Variants in LRP1B observed in about 807,000 individuals in gnomAD.
LRP1B encodes LDL receptor related protein 1B.
Under a neutral mutation model 556.6 loss-of-function variants are expected in LRP1B, and 217 were observed. That is an observed-to-expected ratio of 0.39 (90% CI 0.35 to 0.44). The LOEUF is 0.44. LRP1B is among the 20% of genes least tolerant of loss of function. The probability of loss-of-function intolerance (pLI) is 1.00; values close to 1 mark genes in which losing one functional copy is unlikely to be tolerated. For missense variants in LRP1B, 5,053 were observed against 5,620.8 expected, an observed-to-expected ratio of 0.90 and a Z score of 3.23; for synonymous variants, 2,047 against 1,865.8, an observed-to-expected ratio of 1.10 and a Z score of -2.50.
chr2:140,777,623 G>A (rs970195085), intron 32 of LRP1B, among the ~76,000 whole-genome samples: 4 of 152,080 alleles, frequency 2.6e-5, no homozygotes, highest in African/African-American at 9.7e-5. Flanking sequence ...GGAAATAGTA[G>A]CACAATGAAA....
chr2:141,181,540 T>C (rs537147378), intron 7 of LRP1B, among the ~76,000 whole-genome samples: 13 of 151,276 alleles, frequency 8.6e-5, no homozygotes, highest in African/African-American at 2.9e-4. Flanking sequence ...TGAAAATTTA[T>C]AGAGTAAAAA....
intron 41 of LRP1B, among the ~76,000 whole-genome samples, chr2:140,681,998 CTCT>C (rs1209475231): frequency 6.6e-6 from 1 of 152,134 alleles, no homozygotes; most frequent in Non-Finnish European, 1.5e-5. Context: ...ATTCTGAAGT[CTCT>C]TCTATTTTAA....
chr2:141,125,973 G>A (rs556320907), intron 7 of LRP1B, among the ~76,000 whole-genome samples: 13 of 151,184 alleles, frequency 8.6e-5, no homozygotes, highest in African/African-American at 2.9e-4. Flanking sequence ...CCTTAAACCT[G>A]GCTCACCCTT....
At chr2:140,650,100 A>C (rs1684622428) in intron 41 of LRP1B, among the ~76,000 whole-genome samples, 1 of 151,976 alleles carries the variant, frequency 6.6e-6, no homozygotes, top group Non-Finnish European at 1.5e-5. Flanking sequence ...CGAAAGAGAC[A>C]ATTTTTCTTA....
intron 3 of LRP1B, among the ~76,000 whole-genome samples, chr2:141,435,490 T>TC (rs1395235634): frequency 6.6e-6 from 1 of 152,162 alleles, no homozygotes; most frequent in Non-Finnish European, 1.5e-5. Flanking sequence ...GGCATGGAGT[T>TC]CCCCATAATC....
intron 1 of LRP1B, among the ~76,000 whole-genome samples, chr2:141,916,065 C>A (rs1177226256): frequency 6.6e-6 from 1 of 152,036 alleles, no homozygotes; most frequent in Non-Finnish European, 1.5e-5. Context: ...TCCAGCAAAC[C>A]CATTGTTGGG....
At chr2:141,863,277 A>G (rs1698309374) in intron 1 of LRP1B, among the ~76,000 whole-genome samples, 1 of 152,208 alleles carries the variant, frequency 6.6e-6, no homozygotes, top group South Asian at 2.1e-4. Context: ...GCAAGGACTG[A>G]GCATAGTGGT....
intron 1 of LRP1B, among the ~76,000 whole-genome samples, chr2:142,126,726 T>C (rs1707668501): frequency 6.6e-6 from 1 of 150,928 alleles, no homozygotes; most frequent in Admixed American, 6.6e-5. Context: ...GGAGGGAGAG[T>C]TGCACATTTC....
At chr2:141,211,295 C>CTTT (rs142787085) in intron 6 of LRP1B, among the ~76,000 whole-genome samples, 1 of 124,528 alleles carries the variant, frequency 8.0e-6, no homozygotes. Context: ...GCCCATTTTT[C>CTTT]TTTTTTTTTA....
At chr2:142,033,525 G>A (rs1211680215) in intron 1 of LRP1B, among the ~76,000 whole-genome samples, 1 of 151,674 alleles carries the variant, frequency 6.6e-6, no homozygotes, top group African/African-American at 2.4e-5. Flanking sequence ...TGCTATCAAA[G>A]CAAAGATTGA....
intron 2 of LRP1B, among the ~76,000 whole-genome samples, chr2:141,677,527 T>C (rs1690931795): frequency 6.6e-6 from 1 of 152,174 alleles, no homozygotes; most frequent in South Asian, 2.1e-4. Context: ...TTTCGCTCTG[T>C]TGCCCATGCT....
intron 41 of LRP1B, among the ~76,000 whole-genome samples, chr2:140,668,395 G>C (rs1416702304): frequency 7.1e-6 from 1 of 141,528 alleles, no homozygotes; most frequent in Non-Finnish European, 1.5e-5. Context: ...GTATTACTTC[G>C]GTCATTTTTT....
At chr2:141,566,756 G>A (rs1430661984) in intron 2 of LRP1B, among the ~76,000 whole-genome samples, 3 of 152,134 alleles carry the variant, frequency 2.0e-5, no homozygotes, top group African/African-American at 7.2e-5. Flanking sequence ...TTACCCTGGA[G>A]GCTGAGATGG....
chr2:140,996,912 A>G (rs961319198), intron 15 of LRP1B, among the ~76,000 whole-genome samples: 2 of 152,010 alleles, frequency 1.3e-5, no homozygotes, highest in Admixed American at 6.6e-5. Flanking sequence ...GCATAATGTG[A>G]CTGAATCTAC....
intron 66 of LRP1B, among the ~76,000 whole-genome samples, chr2:140,396,658 A>T (rs953981755): frequency 1.3e-5 from 2 of 152,242 alleles, no homozygotes; most frequent in African/African-American, 4.8e-5. Context: ...GTTAAGTAAT[A>T]GTAAACACTA....
intron 3 of LRP1B, among the ~76,000 whole-genome samples, chr2:141,296,279 T>C (rs1686180503): frequency 6.6e-6 from 1 of 152,208 alleles, no homozygotes; most frequent in Non-Finnish European, 1.5e-5. Flanking sequence ...GCATTCAGTA[T>C]TTAAATAATA....
At chr2:141,691,260 A>C (rs1339648457) in intron 2 of LRP1B, among the ~76,000 whole-genome samples, 2 of 151,920 alleles carry the variant, frequency 1.3e-5, no homozygotes, top group African/African-American at 4.8e-5. Context: ...CTCTATTTTG[A>C]CAAAGAAATG....
chr2:140,673,536 C>A (rs946964724), intron 41 of LRP1B, among the ~76,000 whole-genome samples: 1 of 152,134 alleles, frequency 6.6e-6, no homozygotes, highest in African/African-American at 2.4e-5. Context: ...ATAATTTTAA[C>A]ATCTATATCT....
intron 7 of LRP1B, among the ~76,000 whole-genome samples, chr2:141,074,569 G>C (rs202136764): frequency 5.9e-4 from 81 of 136,314 alleles, no homozygotes; most frequent in East Asian, 1.5e-3. Flanking sequence ...CTGTCTCTCT[G>C]TCTCTCTCTC....
Sources: gnomAD v4.1 joint callset for allele counts (sites outside exome capture counted in the v4.1 genomes callset) on GRCh38, gnomAD v4.1.1 for gene constraint, MANE v1.5 for transcripts, NCBI Gene and HGNC (gene_info 2026-07-23, HGNC 2026-07-21) for gene names.